Variants in NELL1 observed in about 807,000 individuals in gnomAD.
The protein encoded by NELL1 is protein kinase C-binding protein NELL1.
A neutral mutation model predicts 107.4 loss-of-function variants in NELL1; 76 were observed. That is an observed-to-expected ratio of 0.71 (90% CI 0.59 to 0.86). NELL1 has a LOEUF of 0.86. Ranked by LOEUF, NELL1 falls within the 40% of genes least tolerant of loss-of-function variation. The pLI, the probability that NELL1 is intolerant of heterozygous loss-of-function variation, is 0.00. For synonymous variants in NELL1, 353 were observed against 341.2 expected (o/e 1.03, Z -0.38); for missense variants, 1,024 against 1,005.5 (o/e 1.02, Z -0.25).
intron 14 of NELL1, among the ~76,000 whole-genome samples, chr11:21,258,573 A>G (rs1858827614): frequency 6.6e-6 from 1 of 151,872 alleles, no homozygotes; most frequent in Non-Finnish European, 1.5e-5. Context: ...TATTTGTAGG[A>G]AGGTTAGCTT....
chr11:20,784,088 T>A (rs1436985917), intron 3 of NELL1, among the ~76,000 whole-genome samples: 1 of 152,228 alleles, frequency 6.6e-6, no homozygotes, highest in Non-Finnish European at 1.5e-5. Flanking sequence ...TCACATTCTG[T>A]CATATTTAGT....
At chr11:21,097,991 A>C in intron 12 of NELL1, among the ~76,000 whole-genome samples, 1 of 151,246 alleles carries the variant, frequency 6.6e-6, no homozygotes, top group South Asian at 2.1e-4. Context: ...AAAAAAAAAA[A>C]GCTACCCTGA....
At chr11:21,180,311 C>T (rs1021621103) in intron 13 of NELL1, among the ~76,000 whole-genome samples, 5 of 151,678 alleles carry the variant, frequency 3.3e-5, no homozygotes, top group Admixed American at 6.6e-5. Flanking sequence ...TGCAAATCAG[C>T]GGGTGTTAAT....
At chr11:20,892,599 A>G (rs1302942205) in intron 5 of NELL1, among the ~76,000 whole-genome samples, 4 of 152,212 alleles carry the variant, frequency 2.6e-5, no homozygotes, top group African/African-American at 9.6e-5. Context: ...ACACAAAGGA[A>G]TATAAATCAT....
intron 14 of NELL1, among the ~76,000 whole-genome samples, chr11:21,310,865 T>C (rs564410261): frequency 6.6e-6 from 1 of 152,214 alleles, no homozygotes; most frequent in African/African-American, 2.4e-5. Context: ...CCTGAGTGCA[T>C]GTTAGATATA....
At chr11:21,467,244 TCA>T (rs1854054944) in intron 15 of NELL1, among the ~76,000 whole-genome samples, 1 of 152,114 alleles carries the variant, frequency 6.6e-6, no homozygotes, top group Non-Finnish European at 1.5e-5. Context: ...ACTCTGTGTC[TCA>T]GTTTCCTCAG....
At chr11:21,157,186 C>CAT (rs1233177375) in intron 13 of NELL1, among the ~76,000 whole-genome samples, 22 of 144,752 alleles carry the variant, frequency 1.5e-4, no homozygotes, top group South Asian at 8.8e-4. Context: ...TGTGTGTGTA[C>CAT]ATATATATAT....
At chr11:21,171,855 G>A (rs1856613924) in intron 13 of NELL1, among the ~76,000 whole-genome samples, 1 of 151,758 alleles carries the variant, frequency 6.6e-6, no homozygotes, top group Admixed American at 6.6e-5. Context: ...AATTAAATCA[G>A]TTGCCCTTAA....
intron 14 of NELL1, among the ~76,000 whole-genome samples, chr11:21,288,045 T>TAAGGGAAGGAAGGAAAC (rs145837916): frequency 7.0e-6 from 1 of 143,770 alleles, no homozygotes; most frequent in Non-Finnish European, 1.5e-5. Flanking sequence ...AAAGAAAAAA[T>TAAGGGAAGGAAGGAAAC]AAGGGAAGGA....
At chr11:21,190,998 G>A (rs1298990707) in intron 13 of NELL1, among the ~76,000 whole-genome samples, 1 of 151,818 alleles carries the variant, frequency 6.6e-6, no homozygotes, top group East Asian at 1.9e-4. Context: ...GTAATAGGGT[G>A]GTTTGAGAGC....
chr11:21,115,834 A>G (rs1203842298), intron 13 of NELL1, among the ~76,000 whole-genome samples: 2 of 151,944 alleles, frequency 1.3e-5, no homozygotes, highest in East Asian at 1.9e-4. Context: ...CACACACATC[A>G]TTATCATCAC....
chr11:20,691,517 C>A (rs1476867086), intron 2 of NELL1, among the ~76,000 whole-genome samples: 1 of 152,024 alleles, frequency 6.6e-6, no homozygotes, highest in Non-Finnish European at 1.5e-5. Flanking sequence ...TTGTTGAAGG[C>A]CTTTTTTGCA....
At chr11:21,561,632 C>T (rs964045547) in intron 17 of NELL1, among the ~76,000 whole-genome samples, 5 of 151,982 alleles carry the variant, frequency 3.3e-5, no homozygotes, top group Non-Finnish European at 5.9e-5. Context: ...ATAGTTTTTC[C>T]ATCTTGTCAG....
At chr11:20,876,491 C>A (rs933030436) in intron 4 of NELL1, among the ~76,000 whole-genome samples, 2 of 152,186 alleles carry the variant, frequency 1.3e-5, no homozygotes, top group African/African-American at 4.8e-5. Flanking sequence ...CATCGCCGGG[C>A]ACGGTGGCTC....
chr11:21,559,406 C>G (rs975408341), intron 16 of NELL1, among the ~76,000 whole-genome samples: 1 of 152,020 alleles, frequency 6.6e-6, no homozygotes, highest in East Asian at 1.9e-4. Flanking sequence ...CAGGGTTGGA[C>G]AGGTTTGTGT....
intron 13 of NELL1, among the ~76,000 whole-genome samples, chr11:21,187,656 C>A (rs1393506037): frequency 2.6e-5 from 4 of 151,730 alleles, no homozygotes; most frequent in Non-Finnish European, 5.9e-5. Flanking sequence ...TCTCTTCTGA[C>A]CTCTTCTGTC....
intron 3 of NELL1, among the ~76,000 whole-genome samples, chr11:20,816,895 T>A (rs542737005): frequency 6.6e-6 from 1 of 152,338 alleles, no homozygotes; most frequent in African/African-American, 2.4e-5. Flanking sequence ...TCTATTGAGA[T>A]GATCATATGA....
At chr11:21,062,948 C>G (rs868706347) in intron 12 of NELL1, among the ~76,000 whole-genome samples, 1 of 152,210 alleles carries the variant, frequency 6.6e-6, no homozygotes. Flanking sequence ...ATCCCTTAGC[C>G]TTCCAAGTAG....
chr11:21,031,505 A>T (rs992663789), intron 12 of NELL1, among the ~76,000 whole-genome samples: 2 of 152,208 alleles, frequency 1.3e-5, no homozygotes, highest in African/African-American at 4.8e-5. Context: ...GTGTGATATT[A>T]AGGAAGGTGG....
Sources: allele counts gnomAD v4.1 joint callset (sites outside exome capture counted in the v4.1 genomes callset), GRCh38; gene constraint gnomAD v4.1.1; transcripts MANE v1.5; gene names NCBI Gene and HGNC (gene_info 2026-07-23, HGNC 2026-07-21).